The following GOLGB1 variants were observed in gnomAD, a reference collection of about 807,000 sequenced individuals.
The protein encoded by GOLGB1 is golgin subfamily B member 1.
A neutral mutation model predicts 336.9 loss-of-function variants in GOLGB1; 174 were observed. The observed-to-expected ratio is 0.52, with a 90% CI of 0.46 to 0.59. The LOEUF (loss-of-function observed/expected upper bound fraction) is 0.59. Ranked by LOEUF, GOLGB1 falls within the 20% of genes least tolerant of loss-of-function variation. The pLI, the probability that GOLGB1 is intolerant of heterozygous loss-of-function variation, is 0.00. For synonymous variants in GOLGB1, 1,208 were observed against 1,289.2 expected, an observed-to-expected ratio of 0.94 and a Z score of 1.35; for missense variants, 3,331 against 3,645.3, an observed-to-expected ratio of 0.91 and a Z score of 2.22.
At chr3:121,664,817 G>A (rs1408714628) in intron 21 of GOLGB1, 109 bp downstream of exon 21, 2 of 801,630 alleles carry the variant, frequency 2.5e-6, no homozygotes, top group East Asian at 5.2e-5. Context: ...AGACTCATTC[G>A]CTGCTCAGTG....
chr3:121,726,732 C>T (rs1163832382), intron 5 of GOLGB1, among the ~76,000 whole-genome samples, 181 bp downstream of exon 5: 1 of 151,930 alleles, frequency 6.6e-6, no homozygotes, highest in Non-Finnish European at 1.5e-5. Context: ...CTAAAAATGA[C>T]AAACACCAAT....
At position 121,671,414 on chromosome 3, in the gene GOLGB1, T is replaced by C. The variant is rs561336283; in HGVS notation, c.9178-2059A>G. On this transcript the variant is annotated intron_variant, in intron 17 of 21. Transcript: ENST00000614479. ...ACCCCTGGACCCCCAACTCCCAGTA[T>C]ACCAAAATTCGAGGACGCTCAAATT... 2.4e-3 allele frequency among the ~76,000 whole-genome samples: 359 copies of C among 152,300 alleles called. 4 individuals carry two copies. The highest frequency in any genetic ancestry group is 4.2e-3 in the Non-Finnish European group (287 of 68,004).
chr3:121,742,842 G>A (rs1946974963), intron 1 of GOLGB1, among the ~76,000 whole-genome samples: 1 of 152,206 alleles, frequency 6.6e-6, no homozygotes, highest in African/African-American at 2.4e-5. Flanking sequence ...AGACATTTAT[G>A]AAGCCAACAG....
intron 10 of GOLGB1, among the ~76,000 whole-genome samples, chr3:121,707,239 A>AAT (rs1257508862): frequency 6.6e-5 from 10 of 151,244 alleles, no homozygotes; most frequent in East Asian, 1.9e-4. Context: ...AAAAAAAAAA[A>AAT]AAACAAAAAT....
chr3:121,710,044 T>C (rs1226067581), intron 10 of GOLGB1, among the ~76,000 whole-genome samples: 2 of 73,382 alleles, frequency 2.7e-5, no homozygotes, highest in Non-Finnish European at 5.7e-5. Context: ...TTCAATGAAA[T>C]AGACAAAACC....
intron 14 of GOLGB1, among the ~76,000 whole-genome samples, chr3:121,687,205 T>C (rs755333800): frequency 3.7e-4 from 56 of 152,266 alleles, no homozygotes; most frequent in Non-Finnish European, 4.0e-4. Flanking sequence ...GAGGTTGCAG[T>C]GAGCCAAGAT....
Position 121,692,517 on chromosome 3 carries a change from C to T in GOLGB1, c.6847G>A (p.Val2283Ile), listed in dbSNP as rs1213538190. 1 of 1,611,630 alleles carries T rather than the reference C, an allele frequency of 6.2e-7. No individual in the cohort carries two copies. Among genetic ancestry groups the T allele is most frequent in the Non-Finnish European group, 8.5e-7 (1 of 1,179,390 alleles). The change falls in exon 14 of 22, where the codon GTC becomes ATC. Residue 2283 changes from valine (V) to isoleucine (I), a missense_variant. By Grantham distance (29) the Val-to-Ile change is conservative (BLOSUM62 3). Coordinates refer to ENST00000614479, the MANE Select transcript of GOLGB1 (RefSeq NM_001366282.2). ...AQTEVQLQQK[V>I]CDTLQGENKE... Reference sequence around the variant, plus strand: ...TTTTCCCCCTGTAGAGTATCACAGACCTTCTGCTGAAGCTGGACCTCTGTC... The same window carrying T: ...TTTTCCCCCTGTAGAGTATCACAGATCTTCTGCTGAAGCTGGACCTCTGTC...
upstream of GOLGB1, chr3:121,749,861 G>T (rs1457323856): frequency 1.3e-5 from 2 of 152,572 alleles, no homozygotes; most frequent in Non-Finnish European, 2.9e-5. Context: ...AACAATGACG[G>T]AAACCAATCA....
At chr3:121,747,405 G>GTA (rs1204767036) in intron 1 of GOLGB1, among the ~76,000 whole-genome samples, 4 of 141,184 alleles carry the variant, frequency 2.8e-5, no homozygotes, top group East Asian at 2.0e-4. Flanking sequence ...ACATATATAC[G>GTA]TATATATATG....
At chr3:121,712,184 G>C (rs1375114908) in intron 10 of GOLGB1, among the ~76,000 whole-genome samples, 2 of 152,056 alleles carry the variant, frequency 1.3e-5, no homozygotes, top group African/African-American at 4.8e-5. Context: ...TTGCAACAAA[G>C]GTACCAAAAG....
intron 6 of GOLGB1, 116 bp downstream of exon 6, chr3:121,722,146 C>A (rs939546169): frequency 9.1e-6 from 6 of 657,894 alleles, no homozygotes; most frequent in Non-Finnish European, 1.4e-5. Context: ...AGTGCAACAC[C>A]CATGCTACTA....
At chr3:121,667,975 T>C (rs1938876036) in intron 19 of GOLGB1, 86 bp downstream of exon 19, 3 of 668,790 alleles carry the variant, frequency 4.5e-6, no homozygotes, top group Admixed American at 2.7e-5. Context: ...ATTAAATCCA[T>C]ATAAAGGACT....
intron 17 of GOLGB1, among the ~76,000 whole-genome samples, chr3:121,674,825 C>CTTTTTTTTTTTT (rs891603400): frequency 8.3e-6 from 1 of 121,040 alleles, no homozygotes; most frequent in African/African-American, 3.1e-5. Flanking sequence ...AGGTGCCTTT[C>CTTTTTTTTTTTT]TTTTTTTTTT....
chr3:121,698,129 C>T lies in GOLGB1; in HGVS notation c.2394G>A (p.Leu798=). Reference sequence around the variant, plus strand: ...TGAGACTATGGATCTGTTCAGTGAGCAGGTTGTCATGGGCAGTTTGGCTTT... The same window carrying T: ...TGAGACTATGGATCTGTTCAGTGAGTAGGTTGTCATGGGCAGTTTGGCTTT... The part of the protein sequence containing the change: ...DYESQTAHDN[L]LTEQIHSLSI... Residue 798 remains leucine (L), a synonymous_variant, in exon 13 of 22, where the codon CTG becomes CTA. Coordinates refer to ENST00000614479, the MANE Select transcript of GOLGB1 (RefSeq NM_001366282.2). 1.2e-6 allele frequency: 2 copies of T among 1,613,820 alleles called. No individual in the cohort carries two copies. Among genetic ancestry groups the T allele is most frequent in the Non-Finnish European group, 1.7e-6 (2 of 1,179,914 alleles).
chr3:121,711,388 A>G (rs1438161698), intron 10 of GOLGB1, among the ~76,000 whole-genome samples: 3 of 152,140 alleles, frequency 2.0e-5, no homozygotes, highest in East Asian at 3.8e-4. Flanking sequence ...ATGATCTGAT[A>G]GAGGAAATTC....
intron 1 of GOLGB1, among the ~76,000 whole-genome samples, chr3:121,741,326 A>T (rs1456567286): frequency 6.6e-6 from 1 of 152,238 alleles, no homozygotes; most frequent in Non-Finnish European, 1.5e-5. Context: ...AGACTGGAGG[A>T]GAGACAGCAT....
intron 3 of GOLGB1, 73 bp from the exon 4 acceptor site, chr3:121,729,413 TTTA>T (rs745497256): frequency 1.7e-5 from 20 of 1,168,164 alleles, no homozygotes; most frequent in Non-Finnish European, 2.4e-5. Flanking sequence ...AAAAGTTATT[TTTA>T]TTATTATTAC....
intron 1 of GOLGB1, among the ~76,000 whole-genome samples, chr3:121,734,447 C>G: frequency 6.8e-6 from 1 of 147,046 alleles, no homozygotes; most frequent in Non-Finnish European, 1.5e-5. Flanking sequence ...TTACAAATAG[C>G]ATATCCAGTA....
At chr3:121,707,788 AT>A (rs1237021767) in intron 10 of GOLGB1, among the ~76,000 whole-genome samples, 1 of 152,174 alleles carries the variant, frequency 6.6e-6, no homozygotes, top group Non-Finnish European at 1.5e-5. Flanking sequence ...CCTTGGCTCT[AT>A]GTCTGTTCTC....
Sources: allele counts gnomAD v4.1 joint callset (sites outside exome capture counted in the v4.1 genomes callset), GRCh38; gene constraint gnomAD v4.1.1; transcripts MANE v1.5; gene names NCBI Gene and HGNC (gene_info 2026-07-23, HGNC 2026-07-21).